PRKCQ: variants seen among roughly 807,000 people sequenced by gnomAD.
PRKCQ encodes the protein protein kinase C theta.
Under a neutral mutation model 91.2 loss-of-function variants are expected in PRKCQ, and 41 were observed. The observed-to-expected ratio is 0.45, with a 90% CI of 0.35 to 0.58. PRKCQ has a LOEUF of 0.58. PRKCQ is among the 20% of genes least tolerant of loss of function. The pLI, the probability that PRKCQ is intolerant of heterozygous loss-of-function variation, is 0.00. For synonymous variants in PRKCQ, 307 were observed against 316.9 expected, an observed-to-expected ratio of 0.97 and a Z score of 0.33; for missense variants, 673 against 896.5, an observed-to-expected ratio of 0.75 and a Z score of 3.18.
rs575315759 is a variant in PRKCQ at position 6,463,408 on chromosome 10, C to A, written c.1445+905G>T. 3.3e-5 allele frequency among the ~76,000 whole-genome samples: 5 copies of A among 152,234 alleles called. No homozygotes were observed. The East Asian group carries it at 9.7e-4, about 29-fold the overall frequency. On this transcript the variant is annotated intron_variant, in intron 13 of 17. Transcript: ENST00000263125. ...CGGGCTGGCTGGAGACGACAGTGGA[C>A]TAAGTGAATTCTTTCCGGCATGAAA...
At chr10:6,557,579 C>T (rs532439410) in intron 1 of PRKCQ, among the ~76,000 whole-genome samples, 1 of 152,208 alleles carries the variant, frequency 6.6e-6, no homozygotes, top group Non-Finnish European at 1.5e-5. Flanking sequence ...TTTAAACCAA[C>T]ATTTCTGGTC....
chr10:6,468,266 G>A (rs1351361779), intron 12 of PRKCQ, among the ~76,000 whole-genome samples: 2 of 152,168 alleles, frequency 1.3e-5, no homozygotes, highest in African/African-American at 2.4e-5. Context: ...TTGTAAAAGT[G>A]GCCTCAAAAG....
In PRKCQ at chr10:6,427,274, T is replaced by TGAC; in HGVS notation, c.*930_*932dup. The TGAC allele has an allele frequency of 6.6e-6, 1 of 152,344 alleles. No individual in the cohort carries two copies. The highest frequency in any genetic ancestry group is 1.9e-4 in the East Asian group (1 of 5,192). 9.4% of individuals were successfully genotyped at this position (152,344 alleles called of 1,614,324 possible). A position where few individuals can be genotyped will look rare whatever the true frequency, so the allele number is the denominator to read the frequency against. ...GGTTGGAATTCTAATTCAACTCAAT[T>TGAC]GACTGCTGCAAACAGCATGCATGGG... On this transcript the variant is annotated 3_prime_UTR_variant, in exon 18 of 18. Coordinates refer to ENST00000263125, the MANE Select transcript of PRKCQ (RefSeq NM_006257.5).
chr10:6,455,914 G>C (rs1327066388), intron 15 of PRKCQ, among the ~76,000 whole-genome samples: 2 of 152,208 alleles, frequency 1.3e-5, no homozygotes, highest in Non-Finnish European at 2.9e-5. Context: ...GTCCATGACT[G>C]CAGAGCAAAT....
chr10:6,461,202 T>G (rs958495030), intron 14 of PRKCQ, among the ~76,000 whole-genome samples: 2 of 151,316 alleles, frequency 1.3e-5, no homozygotes, highest in Non-Finnish European at 2.9e-5. Flanking sequence ...TGTCCATCCA[T>G]TCAACCATCC....
chr10:6,533,853 A>C (rs1057030176), intron 1 of PRKCQ, among the ~76,000 whole-genome samples: 11 of 152,208 alleles, frequency 7.2e-5, no homozygotes, highest in African/African-American at 2.7e-4. Flanking sequence ...ATATAATACT[A>C]AATTCAGACA....
the PRKCQ span, among the ~76,000 whole-genome samples, chr10:6,397,242 A>G: frequency 1.3e-5 from 2 of 152,080 alleles, no homozygotes; most frequent in South Asian, 2.1e-4. Flanking sequence ...GATTACAGGC[A>G]TGCGCCAACT....
chr10:6,503,670 C>G (rs1838035486), intron 4 of PRKCQ, among the ~76,000 whole-genome samples: 1 of 126,432 alleles, frequency 7.9e-6, no homozygotes, highest in South Asian at 2.5e-4. Flanking sequence ...CCTCCTCTTT[C>G]CATATCTCCC....
intron 1 of PRKCQ, among the ~76,000 whole-genome samples, chr10:6,567,481 C>T (rs1455761183): frequency 1.3e-5 from 2 of 152,244 alleles, no homozygotes; most frequent in Non-Finnish European, 2.9e-5. Flanking sequence ...ATTCTGCAGA[C>T]AAAGATGAGT....
chr10:6,563,762 T>C (rs913231104), intron 1 of PRKCQ, among the ~76,000 whole-genome samples: 15 of 152,312 alleles, frequency 9.8e-5, no homozygotes, highest in Middle Eastern at 3.4e-3. Context: ...GCACTTGCTA[T>C]GTGTGGGACT....
chr10:6,417,889 C>T, the PRKCQ span, among the ~76,000 whole-genome samples: 5 of 152,292 alleles, frequency 3.3e-5, no homozygotes, highest in Admixed American at 6.5e-5. Flanking sequence ...TTGCTCCCAG[C>T]AAAAGTCCCT....
the PRKCQ span, among the ~76,000 whole-genome samples, chr10:6,411,640 G>C: frequency 2.0e-5 from 3 of 152,184 alleles, no homozygotes; most frequent in East Asian, 3.8e-4. Flanking sequence ...CGTATTGGCC[G>C]TGACTGTTTT....
chr10:6,433,660 A>C (rs1833527935), intron 16 of PRKCQ, among the ~76,000 whole-genome samples: 1 of 152,136 alleles, frequency 6.6e-6, no homozygotes. Context: ...TAGGTAACGA[A>C]ATGACACCTG....
the PRKCQ span, among the ~76,000 whole-genome samples, chr10:6,404,632 C>T: frequency 2.4e-5 from 3 of 127,212 alleles, no homozygotes; most frequent in Non-Finnish European, 3.3e-5. Context: ...TCTTTCCTTT[C>T]TTCCTTCCTT....
chr10:6,523,542 G>C (rs1182640550), intron 1 of PRKCQ, among the ~76,000 whole-genome samples: 1 of 152,154 alleles, frequency 6.6e-6, no homozygotes, highest in Non-Finnish European at 1.5e-5. Context: ...AAGGCTAACA[G>C]TCAACCCTCA....
the PRKCQ span, among the ~76,000 whole-genome samples, chr10:6,418,157 C>T: frequency 2.5e-4 from 38 of 152,214 alleles, no homozygotes; most frequent in African/African-American, 9.2e-4. Context: ...TTACGTGTTG[C>T]TGTTTGTATT....
At chr10:6,485,026 G>C in intron 10 of PRKCQ, 126 bp downstream of exon 10, 1 of 790,130 alleles carries the variant, frequency 1.3e-6, no homozygotes, top group Non-Finnish European at 2.1e-6. Flanking sequence ...GAGCCTCTTA[G>C]TTGGTAGCTG....
At chr10:6,559,547 T>C (rs371287214) in intron 1 of PRKCQ, among the ~76,000 whole-genome samples, 16 of 152,144 alleles carry the variant, frequency 1.1e-4, no homozygotes, top group African/African-American at 3.6e-4. Context: ...TTAGTAGAGA[T>C]GGGATTTCGC....
At chr10:6,435,073 C>T (rs1038599250) in intron 16 of PRKCQ, among the ~76,000 whole-genome samples, 2 of 152,186 alleles carry the variant, frequency 1.3e-5, no homozygotes, top group Non-Finnish European at 2.9e-5. Context: ...CACCACCACA[C>T]CTGGCTAATT....
Sources: allele counts gnomAD v4.1 joint callset (sites outside exome capture counted in the v4.1 genomes callset), GRCh38; gene constraint gnomAD v4.1.1; transcripts MANE v1.5; gene names NCBI Gene and HGNC (gene_info 2026-07-23, HGNC 2026-07-21).